MYCBP2: variants seen among roughly 807,000 people sequenced by gnomAD.
MYCBP2 encodes MYC binding protein 2.
MYCBP2 carries 120 observed loss-of-function variants against 525.3 expected under a neutral mutation model. The ratio of observed to expected loss-of-function variants is 0.23; its 90% confidence interval spans 0.20 to 0.27. The LOEUF (loss-of-function observed/expected upper bound fraction) is 0.27, where lower values mean the gene tolerates loss of function less well. Ranked by LOEUF, MYCBP2 falls within the 10% of genes least tolerant of loss-of-function variation. MYCBP2 has a pLI of 1.00. For missense variants in MYCBP2, 4,149 were observed against 5,657.1 expected (o/e 0.73, Z 8.55); for synonymous variants, 1,894 against 1,955.8 (o/e 0.97, Z 0.83).
intron 3 of MYCBP2, among the ~76,000 whole-genome samples, chr13:77,287,585 T>C (rs151156718): frequency 1.9e-4 from 29 of 152,076 alleles, no homozygotes; most frequent in African/African-American, 6.7e-4. Context: ...AGTTGGTTCA[T>C]AGGTGATTTT....
At chr13:77,306,123 A>G (rs937974896) in intron 1 of MYCBP2, among the ~76,000 whole-genome samples, 3 of 152,206 alleles carry the variant, frequency 2.0e-5, no homozygotes, top group African/African-American at 7.2e-5. Flanking sequence ...ATTTATAGAA[A>G]ATACAAAATA....
intron 55 of MYCBP2, among the ~76,000 whole-genome samples, chr13:77,101,529 T>G (rs1173544913): frequency 6.6e-6 from 1 of 152,062 alleles, no homozygotes; most frequent in African/African-American, 2.4e-5. Flanking sequence ...TTGTCATATG[T>G]GAGCAAAAAA....
intron 29 of MYCBP2, among the ~76,000 whole-genome samples, chr13:77,189,461 G>A (rs1225555773): frequency 6.6e-6 from 1 of 151,998 alleles, no homozygotes; most frequent in South Asian, 2.1e-4. Flanking sequence ...AGATTGCACG[G>A]TGCATAAAAA....
chr13:77,230,019 C>T (rs550334092), intron 18 of MYCBP2, among the ~76,000 whole-genome samples: 23 of 152,114 alleles, frequency 1.5e-4, no homozygotes, highest in African/African-American at 4.3e-4. Context: ...AATTCTGTTT[C>T]GAATATAGTT....
At chr13:77,045,874 A>G (rs1371383781) in intron 82 of MYCBP2, among the ~76,000 whole-genome samples, 1 of 152,196 alleles carries the variant, frequency 6.6e-6, no homozygotes, top group Non-Finnish European at 1.5e-5. Flanking sequence ...TCTGAATAGA[A>G]AACAGGGAGA....
At chr13:77,116,529 T>C (rs1181454411) in intron 55 of MYCBP2, among the ~76,000 whole-genome samples, 1 of 152,040 alleles carries the variant, frequency 6.6e-6, no homozygotes, top group African/African-American at 2.4e-5. Context: ...AAGACTTCCA[T>C]TTTCTGGAAT....
In MYCBP2 at chr13:77,159,851, T is replaced by C. The variant is rs1416776961; in HGVS notation, c.6598-1742A>G. Among the ~76,000 whole-genome samples the C allele has an allele frequency of 2.0e-5, 3 of 152,196 alleles. 1 individual carries two copies. The highest frequency in any genetic ancestry group is 6.5e-5 in the Admixed American group (1 of 15,276). ...AAATGGACTAATAGAAACTCTTTGA[T>C]AGTTCTCCTTCACCTAGAATGTTGC... On this transcript the variant is annotated intron_variant, in intron 44 of 82. Coordinates refer to ENST00000544440, the MANE Select transcript of MYCBP2 (RefSeq NM_015057.5).
At chr13:77,047,006 G>GT (rs375544582) in intron 82 of MYCBP2, among the ~76,000 whole-genome samples, 8 of 152,152 alleles carry the variant, frequency 5.3e-5, no homozygotes, top group African/African-American at 1.7e-4. Context: ...CAGCCCTTGG[G>GT]TTTTTTCAAG....
intron 55 of MYCBP2, among the ~76,000 whole-genome samples, chr13:77,107,738 A>ATACAT (rs2048067823): frequency 1.3e-5 from 2 of 152,160 alleles, no homozygotes; most frequent in Non-Finnish European, 2.9e-5. Context: ...ATTGTCTCAA[A>ATACAT]AAAATAAATA....
chr13:77,326,714 C>A lies in MYCBP2; in HGVS notation c.62G>T (p.Gly21Val). The A allele has an allele frequency of 7.1e-7, 1 of 1,415,402 alleles. No homozygotes were observed. Among genetic ancestry groups the A allele is most frequent in the Non-Finnish European group, 9.1e-7 (1 of 1,096,778 alleles). The allele number at this position is 1,415,402 out of a possible 1,614,324, so 87.7% of individuals were successfully genotyped here. Reference protein sequence around the residue: ...AAASSGLGGDGFYPAATFSSS... With the variant: ...AAASSGLGGDVFYPAATFSSS... ...AGAGAAGGTGGCGGCTGGGTAGAAT[C>A]CGTCCCCGCCGAGCCCCGAGGAGGC... Residue 21 changes from glycine to valine, a missense_variant, in exon 1 of 83, where the codon GGA (glycine) becomes GTA (valine). Gly to Val is a moderately radical substitution (Grantham distance 109). Transcript: ENST00000544440. This position sits in a 1 kb window ranked among gnomAD's most constrained non-coding sequence, Gnocchi z 4.2.
chr13:77,187,273 A>C (rs1407347351), intron 30 of MYCBP2, among the ~76,000 whole-genome samples: 1 of 152,240 alleles, frequency 6.6e-6, no homozygotes. Flanking sequence ...TCCTTATTTG[A>C]ATCAAAAGAT....
rs77135978 is a variant in MYCBP2 at position 77,125,546 on chromosome 13, C to G, written c.7885-78G>C. The G allele has an allele frequency of 1.5e-3, 2,300 of 1,517,076 alleles. 36 individuals are homozygous for G. In the African/African-American group the frequency reaches 0.027, roughly 18 times the overall value. 94.0% of individuals were successfully genotyped at this position (1,517,076 alleles called of 1,614,324 possible). A position where few individuals can be genotyped will look rare whatever the true frequency, so the allele number is the denominator to read the frequency against. ...AGTCTGAAAACCAGTAAAAATCTTA[C>G]GTGTCTGAATAGTGTAATCATTCCA... On this transcript the variant is annotated intron_variant, in intron 53 of 82. Transcript: ENST00000544440.
chr13:77,241,655 A>C (rs1303635293), intron 17 of MYCBP2, among the ~76,000 whole-genome samples: 3 of 152,176 alleles, frequency 2.0e-5, no homozygotes, highest in Non-Finnish European at 4.4e-5. Context: ...ATATCCTTTA[A>C]AGGACATTAT....
intron 81 of MYCBP2, 149 bp from the exon 82 acceptor site, chr13:77,051,311 T>A (rs967883774): frequency 3.0e-6 from 2 of 657,764 alleles, no homozygotes; most frequent in East Asian, 3.0e-5. Context: ...ATGATACACA[T>A]GTTTGAAAAC....
chr13:77,139,972 T>A, intron 51 of MYCBP2, 75 bp downstream of exon 51: 1 of 906,252 alleles, frequency 1.1e-6, no homozygotes, highest in Non-Finnish European at 1.7e-6. Context: ...AAAAACTCAG[T>A]AACCTTATTA....
At chr13:77,295,757 T>TA (rs1036511471) in intron 2 of MYCBP2, among the ~76,000 whole-genome samples, 5 of 152,198 alleles carry the variant, frequency 3.3e-5, no homozygotes, top group African/African-American at 1.2e-4. Flanking sequence ...ATGTTCAGTA[T>TA]AAAAAAGATG....
intron 39 of MYCBP2, among the ~76,000 whole-genome samples, chr13:77,169,336 CA>C (rs1227275684): frequency 7.0e-6 from 1 of 143,166 alleles, no homozygotes; most frequent in East Asian, 2.1e-4. Context: ...GCGGAGCTTG[CA>C]GTGAGCGGAG....
At chr13:77,276,824 T>TG (rs1417819257) in intron 4 of MYCBP2, among the ~76,000 whole-genome samples, 2 of 142,366 alleles carry the variant, frequency 1.4e-5, no homozygotes, top group East Asian at 2.0e-4. Flanking sequence ...CAGTTTTTTT[T>TG]TTTTTTTTTT....
At chr13:77,288,010 C>T in intron 3 of MYCBP2, 151 bp downstream of exon 3, 1 of 736,170 alleles carries the variant, frequency 1.4e-6, no homozygotes, top group Non-Finnish European at 2.2e-6. Context: ...TTTTCCTTTT[C>T]TGCTCCAAAT....
Sources: allele counts gnomAD v4.1 joint callset (sites outside exome capture counted in the v4.1 genomes callset), GRCh38; gene constraint gnomAD v4.1.1; non-coding constraint Gnocchi (gnomAD v3.1); transcripts MANE v1.5; gene names NCBI Gene and HGNC (gene_info 2026-07-23, HGNC 2026-07-21).